Variants in EFCAB3 observed in about 807,000 individuals in gnomAD.
EFCAB3 encodes EF-hand calcium-binding domain-containing protein 3.
Under a neutral mutation model 42.2 loss-of-function variants are expected in EFCAB3, and 36 were observed. The observed-to-expected ratio is 0.85, with a 90% CI of 0.65 to 1.13. EFCAB3 has a LOEUF of 1.13. EFCAB3 is among the 50% of genes most tolerant of loss of function. The probability of loss-of-function intolerance (pLI) is 0.00; values close to 1 mark genes in which losing one functional copy is unlikely to be tolerated. For synonymous variants in EFCAB3, 170 were observed against 172.8 expected, an observed-to-expected ratio of 0.98 and a Z score of 0.13; for missense variants, 418 against 505.1, an observed-to-expected ratio of 0.83 and a Z score of 1.65.
upstream of EFCAB3, among the ~76,000 whole-genome samples, chr17:62,376,662 C>T (rs2070153054): frequency 6.6e-6 from 1 of 152,114 alleles, no homozygotes; most frequent in African/African-American, 2.4e-5. Flanking sequence ...TTCCATTTCA[C>T]CATTTCTACT....
At chr17:62,383,132 C>T in intron 2 of EFCAB3, 79 bp downstream of exon 2, 2 of 1,373,134 alleles carry the variant, frequency 1.5e-6, no homozygotes, top group Non-Finnish European at 2.0e-6. Context: ...AGAATTTTGT[C>T]TAGCAGGTTT....
intron 1 of EFCAB3, 192 bp downstream of exon 1, chr17:62,380,805 G>C (rs181959320): frequency 7.8e-4 from 132 of 168,854 alleles, no homozygotes; most frequent in African/African-American, 3.0e-3. Context: ...TTCAGATTTT[G>C]AGGACTTGTA....
At chr17:62,379,806 T>C (rs1339425578), upstream of EFCAB3, among the ~76,000 whole-genome samples, 1 of 152,204 alleles carries the variant, frequency 6.6e-6, no homozygotes, top group Non-Finnish European at 1.5e-5. Flanking sequence ...AATACCTTGG[T>C]TTCTGCTTAA....
rs1777463765 is a variant in EFCAB3 at position 62,413,655 on chromosome 17, CTTAT to C, written c.868-71_868-68del. 7 of 1,123,978 alleles carry C rather than the reference CTTAT, an allele frequency of 6.2e-6. No homozygotes were observed. The Admixed American group carries it at 1.9e-4, about 31-fold the overall frequency. 69.6% of individuals were successfully genotyped at this position (1,123,978 alleles called of 1,614,324 possible). On this transcript the variant is annotated intron_variant, in intron 8 of 9. Coordinates refer to ENST00000305286, the MANE Select transcript of EFCAB3 (RefSeq NM_173503.4). ...ACAAATCCTTCTATAATAAAATATA[CTTAT>C]TTATTATGTCTTTTTGTTGTATAAT...
chr17:62,406,138 G>T (rs563111566), intron 6 of EFCAB3, among the ~76,000 whole-genome samples: 2 of 152,230 alleles, frequency 1.3e-5, no homozygotes, highest in East Asian at 1.9e-4. Flanking sequence ...GGAGGCTGAG[G>T]AGGGAGGAGA....
At chr17:62,395,788 C>T (rs2070343672) in intron 6 of EFCAB3, among the ~76,000 whole-genome samples, 1 of 152,184 alleles carries the variant, frequency 6.6e-6, no homozygotes. Flanking sequence ...TAAATCACCT[C>T]AATCTATTTT....
intron 8 of EFCAB3, 77 bp from the exon 9 acceptor site, chr17:62,413,655 C>A: frequency 8.9e-7 from 1 of 1,124,096 alleles, no homozygotes; most frequent in Non-Finnish European, 1.2e-6. Flanking sequence ...ATAAAATATA[C>A]TTATTTATTA....
chr17:62,372,255 C>G (rs989310405), intron 1 of EFCAB3, among the ~76,000 whole-genome samples: 5 of 152,092 alleles, frequency 3.3e-5, no homozygotes, highest in African/African-American at 1.2e-4. Context: ...TTCCTCTTCT[C>G]TCTTCAGTTG....
chr17:62,376,992 T>G (rs2070155789), upstream of EFCAB3, among the ~76,000 whole-genome samples: 1 of 152,142 alleles, frequency 6.6e-6, no homozygotes. Context: ...AAGAATGGCA[T>G]AGGGTGCCTC....
chr17:62,374,008 G>A, intron 2 of EFCAB3: 1 of 473,248 alleles, frequency 2.1e-6, no homozygotes, highest in Non-Finnish European at 3.7e-6. Context: ...GATGAAAAAA[G>A]GAAATTTTAA....
At chr17:62,410,128 G>T (rs2144112538) in intron 8 of EFCAB3, among the ~76,000 whole-genome samples, 1 of 152,256 alleles carries the variant, frequency 6.6e-6, no homozygotes, top group South Asian at 2.1e-4. Flanking sequence ...GAACCCGGGA[G>T]GCAGAGGTTG....
Position 62,416,376 on chromosome 17 carries a change from G to A in EFCAB3, c.*47G>A. 7.4e-7 allele frequency: 1 copy of A among 1,359,136 alleles called. No individual in the cohort carries two copies. The highest frequency in any genetic ancestry group is 1.5e-5 in the South Asian group (1 of 68,186). 84.2% of individuals were successfully genotyped at this position (1,359,136 alleles called of 1,614,324 possible). A position where few individuals can be genotyped will look rare whatever the true frequency, so the allele number is the denominator to read the frequency against. ...GCTCATCACAAACTACTTTTTCATAGTTATCAAAATTATTGTTTCTTGCTT... is the reference window on the plus strand; with the variant it reads ...GCTCATCACAAACTACTTTTTCATAATTATCAAAATTATTGTTTCTTGCTT... On this transcript the variant is annotated 3_prime_UTR_variant, in exon 10 of 10. Coordinates refer to ENST00000305286, the MANE Select transcript of EFCAB3 (RefSeq NM_173503.4).
chr17:62,397,592 C>G, intron 6 of EFCAB3: 1 of 601,998 alleles, frequency 1.7e-6, no homozygotes, highest in Non-Finnish European at 3.2e-6. Context: ...AACCAAACAG[C>G]CAAATTCTGC....
intron 6 of EFCAB3, among the ~76,000 whole-genome samples, chr17:62,402,268 G>T (rs1453696998): frequency 1.3e-5 from 2 of 152,072 alleles, no homozygotes; most frequent in East Asian, 3.9e-4. Context: ...TTTCCTAATT[G>T]AATACCCTTT....
intron 6 of EFCAB3, among the ~76,000 whole-genome samples, chr17:62,399,324 C>T (rs550975853): frequency 2.0e-5 from 3 of 152,138 alleles, no homozygotes; most frequent in East Asian, 3.9e-4. Flanking sequence ...TGCACCATCA[C>T]ACCTGGCTAA....
chr17:62,408,420 A>G (rs2070466620), intron 8 of EFCAB3, among the ~76,000 whole-genome samples: 1 of 152,202 alleles, frequency 6.6e-6, no homozygotes, highest in Non-Finnish European at 1.5e-5. Flanking sequence ...TGGTTCTGTT[A>G]AAATCAGATT....
In EFCAB3 at chr17:62,380,560, G is replaced by A. The variant is rs146201090; in HGVS notation, c.-71G>A. On this transcript the variant is annotated 5_prime_UTR_variant, in exon 1 of 10. Coordinates refer to ENST00000305286, the MANE Select transcript of EFCAB3 (RefSeq NM_173503.4). ...GTGTGATGGAACAAACCCTTTATTG[G>A]ATTCCTGATCTGATTGAAGCCCAGA... is the stretch of plus-strand genomic sequence containing the variant. 165 of 985,398 alleles carry A rather than the reference G, an allele frequency of 1.7e-4. 1 individual carries two copies. The African/African-American group carries it at 1.9e-3, about 11-fold the overall frequency. The allele number at this position is 985,398 out of a possible 1,614,324, so 61.0% of individuals were successfully genotyped here. A position where few individuals can be genotyped will look rare whatever the true frequency, so the allele number is the denominator to read the frequency against.
chr17:62,401,328 G>A (rs147581645), intron 6 of EFCAB3, among the ~76,000 whole-genome samples: 1,737 of 152,138 alleles, frequency 0.011, 35 homozygotes, highest in African/African-American at 0.039. Flanking sequence ...TTTTGTTGCC[G>A]TTGCTTTTGG....
intron 1 of EFCAB3, among the ~76,000 whole-genome samples, chr17:62,370,685 G>A (rs1366867591): frequency 6.6e-6 from 1 of 151,638 alleles, no homozygotes; most frequent in Non-Finnish European, 1.5e-5. Context: ...GTGTACTTTT[G>A]TCATCCTGTA....
Sources: gnomAD v4.1 joint callset for allele counts (sites outside exome capture counted in the v4.1 genomes callset) on GRCh38, gnomAD v4.1.1 for gene constraint, MANE v1.5 for transcripts, NCBI Gene and HGNC (gene_info 2026-07-23, HGNC 2026-07-21) for gene names.